The following TTC21B variants were observed in gnomAD, a reference collection of about 807,000 sequenced individuals.
TTC21B encodes the protein tetratricopeptide repeat protein 21B.
TTC21B carries 127 observed loss-of-function variants against 175.1 expected under a neutral mutation model. That is an observed-to-expected ratio of 0.73 (90% CI 0.63 to 0.84). TTC21B has a LOEUF of 0.84. Ranked by LOEUF, TTC21B falls within the 40% of genes least tolerant of loss-of-function variation. TTC21B has a pLI of 0.00. For synonymous variants in TTC21B, 524 were observed against 524.5 expected (o/e 1.00, Z 0.01); for missense variants, 1,561 against 1,558.3 (o/e 1.00, Z -0.03).
At chr2:165,948,515 T>C (rs924640596) in intron 3 of TTC21B, 2 of 152,248 alleles carry the variant, frequency 1.3e-5, no homozygotes, top group Admixed American at 1.3e-4. Context: ...AAGTCTCGTC[T>C]AATATTCAAG....
chr2:165,924,050 G>A (rs933619732), intron 12 of TTC21B, among the ~76,000 whole-genome samples: 15 of 152,262 alleles, frequency 9.9e-5, no homozygotes, highest in African/African-American at 3.6e-4. Context: ...ACCGCACCCA[G>A]CCATGATGGT....
chr2:165,925,941 T>C (rs932145439), intron 11 of TTC21B, among the ~76,000 whole-genome samples: 5 of 152,194 alleles, frequency 3.3e-5, no homozygotes, highest in African/African-American at 9.6e-5. Flanking sequence ...GAATGAGTTA[T>C]TGAGAACAAC....
Position 165,945,643 on chromosome 2 carries a change from T to G in TTC21B, c.310A>C (p.Lys104Gln). ...TATAAGGCTTTCTCTCCAGCTCCTT[T>G]ACGTTGTTCCTTCACTCTGGCATCT... The part of the protein sequence containing the change: ...ESDARVKEQR[K>Q]GAGEKALYHA... Residue 104 changes from lysine (K) to glutamine (Q), a missense_variant, in exon 4 of 29, where the codon AAA becomes CAA. By Grantham distance (53) the Lys-to-Gln change is moderately conservative. Transcript: ENST00000243344. The G allele has an allele frequency of 1.9e-6, 3 of 1,613,766 alleles. No individual in the cohort carries two copies. Among genetic ancestry groups the G allele is most frequent in the Non-Finnish European group, 2.5e-6 (3 of 1,179,934 alleles).
intron 6 of TTC21B, among the ~76,000 whole-genome samples, chr2:165,940,472 C>G (rs1299589181): frequency 6.6e-6 from 1 of 152,150 alleles, no homozygotes; most frequent in African/African-American, 2.4e-5. Flanking sequence ...CCTTACTCAC[C>G]TCTCTTACTC....
chr2:165,876,306 C>T, intron 27 of TTC21B, 74 bp from the exon 28 acceptor site: 2 of 923,310 alleles, frequency 2.2e-6, no homozygotes, highest in South Asian at 1.3e-5. Flanking sequence ...CTCCTCCTCT[C>T]TTTGCTTACT....
chr2:165,878,580 G>A (rs1235898853), intron 27 of TTC21B, among the ~76,000 whole-genome samples: 2 of 151,710 alleles, frequency 1.3e-5, no homozygotes, highest in Non-Finnish European at 2.9e-5. Context: ...ATTTATAAAT[G>A]ATTACTGCAG....
chr2:165,899,936 G>A, intron 20 of TTC21B, 56 bp from the exon 21 acceptor site: 3 of 1,027,914 alleles, frequency 2.9e-6, no homozygotes, highest in Non-Finnish European at 2.9e-6. Flanking sequence ...AAGTCAATGA[G>A]GAAAATACGT....
At chr2:165,907,601 T>C (rs771031919) in intron 19 of TTC21B, 77 bp downstream of exon 19, 13 of 949,176 alleles carry the variant, frequency 1.4e-5, no homozygotes, top group Admixed American at 7.3e-5. Context: ...AGAGATTGCT[T>C]TCCTCTTATA....
rs764046477 is a variant in TTC21B at position 165,930,306 on chromosome 2, C to T, written c.953G>A (p.Ser318Asn). Residue 318 changes from serine to asparagine, a missense_variant, in exon 9 of 29, where the codon AGT (serine) becomes AAT (asparagine). Transcript: ENST00000243344. ...KIQTLLERAF[S>N]LNPQQSEFAT... Reference sequence around the variant, plus strand: ...AAATTCTGATTGCTGAGGGTTTAAACTAAAAGCTCTCTCAAGTAACGTTTG... The same window carrying T: ...AAATTCTGATTGCTGAGGGTTTAAATTAAAAGCTCTCTCAAGTAACGTTTG... 6.2e-7 allele frequency: 1 copy of T among 1,612,864 alleles called. No homozygotes were observed. Among genetic ancestry groups the T allele is most frequent in the South Asian group, 1.1e-5 (1 of 91,000 alleles).
chr2:165,881,274 G>T (rs1684826246), intron 26 of TTC21B, among the ~76,000 whole-genome samples: 1 of 152,150 alleles, frequency 6.6e-6, no homozygotes, highest in Non-Finnish European at 1.5e-5. Context: ...AAAAGAAAAA[G>T]ACGTTATTTA....
chr2:165,919,330 T>C lies in TTC21B; in HGVS notation c.1620A>G (p.Glu540=). 6.2e-7 allele frequency: 1 copy of C among 1,614,134 alleles called. No homozygotes were observed. The highest frequency in any genetic ancestry group is 1.1e-5 in the South Asian group (1 of 91,080). The change falls in exon 13 of 29, where the codon GAA becomes GAG. Residue 540 remains glutamate, a synonymous_variant. Transcript: ENST00000243344. ...GAGACTGAGAACACAATTTGACTTT[T>C]TCTTGAGACAAGTAAACCTGAGCTA... is the stretch of plus-strand genomic sequence containing the variant. ...LLLAQVYLSQ[E]KVKLCSQSLE... is the part of the protein sequence containing the mutation.
intron 22 of TTC21B, among the ~76,000 whole-genome samples, chr2:165,896,994 C>T (rs979813742): frequency 3.3e-5 from 5 of 152,128 alleles, no homozygotes; most frequent in African/African-American, 1.2e-4. Context: ...AACATCAATG[C>T]CCAGCACTGC....
chr2:165,929,476 G>A (rs531644298), intron 10 of TTC21B, 141 bp from the exon 11 acceptor site: 15 of 926,174 alleles, frequency 1.6e-5, no homozygotes, highest in South Asian at 1.4e-4. Flanking sequence ...TAGACTTTTA[G>A]AATCATTCAG....
At chr2:165,892,681 A>G (rs1039996062) in intron 22 of TTC21B, among the ~76,000 whole-genome samples, 4 of 152,190 alleles carry the variant, frequency 2.6e-5, no homozygotes, top group African/African-American at 9.7e-5. Context: ...ATCAACATAG[A>G]AAGTAGAATG....
At chr2:165,902,038 C>T (rs752707801) in intron 19 of TTC21B, 128 bp from the exon 20 acceptor site, 13 of 818,586 alleles carry the variant, frequency 1.6e-5, no homozygotes, top group Non-Finnish European at 2.6e-5. Flanking sequence ...AAGTCTGATC[C>T]AAAGAAAATG....
chr2:165,933,855 C>T (rs1029544125), intron 6 of TTC21B: 2 of 152,128 alleles, frequency 1.3e-5, no homozygotes. Context: ...TTTAGAGGCA[C>T]TGCATACTTC....
intron 8 of TTC21B, 32 bp from the exon 9 acceptor site, chr2:165,930,396 A>C (rs1686845010): frequency 6.7e-7 from 1 of 1,488,466 alleles, no homozygotes; most frequent in African/African-American, 1.4e-5. Context: ...GTAAGATTTC[A>C]AAGTCTAACA....
At chr2:165,907,910 T>C (rs1685796139) in intron 18 of TTC21B, 126 bp from the exon 19 acceptor site, 1 of 658,690 alleles carries the variant, frequency 1.5e-6, no homozygotes, top group Non-Finnish European at 2.6e-6. Context: ...CGGTTAAAAT[T>C]TTCTCAATCA....
At position 165,876,232 on chromosome 2, in the gene TTC21B, C is replaced by G; in HGVS notation, c.3806G>C (p.Gly1269Ala). 1 of 1,575,200 alleles carries G rather than the reference C, an allele frequency of 6.3e-7. No homozygotes were observed. Among genetic ancestry groups the G allele is most frequent in the South Asian group, 1.1e-5 (1 of 90,276 alleles). Residue 1269 changes from glycine (G) to alanine (A), a missense_variant and splice_region_variant, in exon 28 of 29, where the codon GGA (glycine) becomes GCA (alanine). By Grantham distance (60) the Gly-to-Ala change is moderately conservative (BLOSUM62 0). Coordinates refer to ENST00000243344, the MANE Select transcript of TTC21B (RefSeq NM_024753.5). Reference sequence around the variant, plus strand: ...TAAGTAATTAAATGCCAGTTTGTATCCTGTTAAGACAAAAACCATAAAACA... The same window carrying G: ...TAAGTAATTAAATGCCAGTTTGTATGCTGTTAAGACAAAAACCATAAAACA... ...KYSNRTNPAVGYKLAFNYLKA... is the reference protein window; with the variant it reads ...KYSNRTNPAVAYKLAFNYLKA...
Sources: allele counts gnomAD v4.1 joint callset (sites outside exome capture counted in the v4.1 genomes callset), GRCh38; gene constraint gnomAD v4.1.1; transcripts MANE v1.5; gene names NCBI Gene and HGNC (gene_info 2026-07-23, HGNC 2026-07-21).